The following NPIPB6 variants were observed in gnomAD, a reference collection of about 807,000 sequenced individuals.
NPIPB6 encodes nuclear pore complex-interacting protein family member B6.
In NPIPB6, 2 loss-of-function variants were observed where a neutral mutation model predicts 20.0. The ratio of observed to expected loss-of-function variants is 0.10; its 90% CI spans 0.04 to 0.31. NPIPB6 has a LOEUF of 0.31. Among genes scored for constraint, NPIPB6 ranks in the 10% least tolerant of loss-of-function variants. The pLI is 1.00. For synonymous variants in NPIPB6, 35 were observed against 116.3 expected, an observed-to-expected ratio of 0.30 and a Z score of 4.50; for missense variants, 96 against 293.7, an observed-to-expected ratio of 0.33 and a Z score of 4.92.
In NPIPB6 at chr16:28,353,064, GGAATAATAATA is replaced by G. The variant is rs1280905956; in HGVS notation, c.121-14_121-4del. 1 of 88,350 alleles carries G rather than the reference GGAATAATAATA, an allele frequency of 1.1e-5. No individual in the cohort carries two copies. Among genetic ancestry groups the G allele is most frequent in the Non-Finnish European group, 2.0e-5 (1 of 49,688 alleles). 5.5% of individuals were successfully genotyped at this position (88,350 alleles called of 1,614,324 possible). On this transcript the variant is annotated splice_region_variant and splice_polypyrimidine_tract_variant and intron_variant, in intron 1 of 6. Coordinates refer to ENST00000532254, the Ensembl canonical transcript of NPIPB6. ...TAGACAGCCAGACTATTGATAACCT[GGAATAATAATA>G]GTTGAAATAATGAAAAGGTCAATGA...
chr16:28,346,273 C>A (rs2045079828), intron 4 of NPIPB6: 1 of 804,230 alleles, frequency 1.2e-6, no homozygotes, highest in African/African-American at 2.3e-5. Context: ...ACAACTAACT[C>A]CATAGGAAGC....
intron 1 of NPIPB6, among the ~76,000 whole-genome samples, chr16:28,359,936 G>A (rs1269932971): frequency 4.6e-5 from 7 of 150,760 alleles, no homozygotes; most frequent in Admixed American, 4.0e-4. Context: ...CACAGACGAT[G>A]CCCTGTCCCT....
intron 1 of NPIPB6, among the ~76,000 whole-genome samples, chr16:28,360,701 C>A (rs1567234260): frequency 7.3e-6 from 1 of 136,626 alleles, no homozygotes; most frequent in Non-Finnish European, 1.7e-5. Flanking sequence ...TTGCTTTGAC[C>A]CAAGAGATGT....
chr16:28,358,718 TACAA>T (rs1205054464), intron 1 of NPIPB6, among the ~76,000 whole-genome samples: 4 of 100,342 alleles, frequency 4.0e-5, no homozygotes, highest in Non-Finnish European at 5.7e-5. Context: ...CAGCAACAAC[TACAA>T]ACAAACAAAA....
intron 1 of NPIPB6, among the ~76,000 whole-genome samples, chr16:28,358,960 T>C: frequency 7.0e-6 from 1 of 142,368 alleles, no homozygotes; most frequent in Non-Finnish European, 1.5e-5. Context: ...CACCCGCCTG[T>C]AATCCCAGCT....
intron 6 of NPIPB6, 63 bp from the exon 8 acceptor site, chr16:28,343,251 C>A (rs1383009983): frequency 5.3e-6 from 6 of 1,141,970 alleles, no homozygotes; most frequent in African/African-American, 4.4e-5. Flanking sequence ...ATTACCACCA[C>A]CAACACAGTC....
At position 28,343,158 on chromosome 16, in the gene NPIPB6, A is replaced by G. The variant is rs1384207768; in HGVS notation, c.727T>C (p.Ser243Pro). The change falls in exon 7 of 7, where the codon TCT becomes CCT. Residue 243 changes from serine to proline, a missense_variant. Ser to Pro is a moderately conservative substitution (Grantham distance 74). Around this residue, in one of 3 missense-constraint regions of NPIPB6, gnomAD observed 81 missense variants for 190.9 expected, o/e 0.42. Transcript: ENST00000532254. ...TAGGGCCAGTAGGGCAATCCTGAAG[A>G]ATGACGATGCTCCGCTGCCACCATT... 17 of 1,578,234 alleles carry G rather than the reference A, an allele frequency of 1.1e-5. 3 individuals are homozygous for G. Among genetic ancestry groups the G allele is most frequent in the African/African-American group, 2.7e-5 (2 of 74,208 alleles).
At chr16:28,343,320 TAGC>T in intron 6 of NPIPB6, 132 bp from the exon 8 acceptor site, 1 of 771,204 alleles carries the variant, frequency 1.3e-6, no homozygotes, top group Admixed American at 3.4e-5. Flanking sequence ...GGTTTCAAAA[TAGC>T]AGTATCAGTG....
At chr16:28,348,434 G>C (rs950804710) in intron 4 of NPIPB6, among the ~76,000 whole-genome samples, 4 of 94,214 alleles carry the variant, frequency 4.2e-5, no homozygotes, top group African/African-American at 7.2e-5. Context: ...ACAAAAATTA[G>C]CTGGGCGTGG....
intron 1 of NPIPB6, among the ~76,000 whole-genome samples, chr16:28,359,129 T>C (rs2045372314): frequency 7.1e-6 from 1 of 140,106 alleles, no homozygotes; most frequent in Non-Finnish European, 1.5e-5. Context: ...TCGGTTGTGT[T>C]GGTTGTAAAA....
chr16:28,355,722 C>G (rs954849715), intron 1 of NPIPB6, among the ~76,000 whole-genome samples: 6 of 129,586 alleles, frequency 4.6e-5, no homozygotes, highest in African/African-American at 1.6e-4. Flanking sequence ...TGCCCCATTG[C>G]ACTCCAGCCT....
exon 7 of NPIPB6, chr16:28,342,765 G>C (rs774695332): frequency 6.3e-7 from 1 of 1,597,828 alleles, no homozygotes; most frequent in Non-Finnish European, 8.5e-7. Flanking sequence ...CGCCTCTTGG[G>C]TTTCGGTGAT....
At chr16:28,362,860 C>G in exon 1 of NPIPB6, 1 of 1,396,124 alleles carries the variant, frequency 7.2e-7, no homozygotes, top group East Asian at 2.6e-5. Flanking sequence ...TGAGTGCCAA[C>G]CTATTAGATA....
chr16:28,349,592 C>CACAA, intron 2 of NPIPB6, among the ~76,000 whole-genome samples: 1 of 93,014 alleles, frequency 1.1e-5, no homozygotes, highest in East Asian at 3.2e-4. Flanking sequence ...CACACACACA[C>CACAA]ACAAGAATGA....
chr16:28,349,326 G>T (rs2045163024), intron 2 of NPIPB6, 85 bp from the exon 4 acceptor site: 1 of 54,788 alleles, frequency 1.8e-5, no homozygotes, highest in Non-Finnish European at 3.7e-5. Flanking sequence ...GGCCGAGGCA[G>T]GTGGATCACG....
chr16:28,359,185 T>G, intron 1 of NPIPB6, among the ~76,000 whole-genome samples: 1 of 124,758 alleles, frequency 8.0e-6, no homozygotes, highest in Non-Finnish European at 1.6e-5. Context: ...AGACCAAAAG[T>G]GAATGGCAGA....
At position 28,343,189 on chromosome 16, in the gene NPIPB6, C is replaced by A; in HGVS notation, c.697-1G>T. 6.3e-7 allele frequency: 1 copy of A among 1,584,830 alleles called. No homozygotes were observed. Among genetic ancestry groups the A allele is most frequent in the South Asian group, 1.1e-5 (1 of 90,600 alleles). On this transcript the variant is annotated splice_acceptor_variant, in intron 6 of 6. Transcript: ENST00000532254. LOFTEE classifies it high-confidence loss of function. ...GATGCTCCGCTGCCACCATTCTGAC[C>A]TGTAGGGCCAAAGGAGGGAATGTTT...
chr16:28,342,796 C>A, exon 7 of NPIPB6: 1 of 1,592,902 alleles, frequency 6.3e-7, no homozygotes, highest in Non-Finnish European at 8.5e-7. Flanking sequence ...CATCCACCCT[C>A]CACCTCTTGG....
At chr16:28,351,631 G>A (rs1245008276) in intron 2 of NPIPB6, among the ~76,000 whole-genome samples, 6 of 101,742 alleles carry the variant, frequency 5.9e-5, no homozygotes, top group Admixed American at 2.0e-4. Flanking sequence ...GGCAACAGAG[G>A]GAGACTCGTC....
Sources: allele counts gnomAD v4.1 joint callset (sites outside exome capture counted in the v4.1 genomes callset), GRCh38; gene constraint gnomAD v4.1.1; regional missense constraint gnomAD v4.1.1; transcripts MANE v1.5; gene names NCBI Gene and HGNC (gene_info 2026-07-23, HGNC 2026-07-21).